CFAP299: variants seen among roughly 807,000 people sequenced by gnomAD.
CFAP299 encodes cilia- and flagella-associated protein 299.
A neutral mutation model predicts 27.0 loss-of-function variants in CFAP299; 21 were observed. The observed-to-expected ratio is 0.78, with a 90% confidence interval of 0.55 to 1.12. The LOEUF is 1.12. CFAP299 is among the 50% of genes most tolerant of loss of function. The pLI is 0.00. For missense variants in CFAP299, 310 were observed against 276.6 expected (o/e 1.12, Z -0.86); for synonymous variants, 104 against 98.1 (o/e 1.06, Z -0.36).
chr4:80,515,311 T>C (rs1357508665), intron 2 of CFAP299, among the ~76,000 whole-genome samples: 1 of 152,162 alleles, frequency 6.6e-6, no homozygotes, highest in Non-Finnish European at 1.5e-5. Flanking sequence ...GTTGTTGAAA[T>C]AAATGTTCCA....
chr4:80,560,191 A>T (rs1734972872), intron 2 of CFAP299, among the ~76,000 whole-genome samples: 1 of 151,970 alleles, frequency 6.6e-6, no homozygotes, highest in East Asian at 1.9e-4. Flanking sequence ...TTCAGGTCCT[A>T]ACTTCTAGAC....
At chr4:80,815,843 C>A (rs879339071) in intron 3 of CFAP299, among the ~76,000 whole-genome samples, 1 of 151,794 alleles carries the variant, frequency 6.6e-6, no homozygotes, top group Non-Finnish European at 1.5e-5. Context: ...GAAATAGATA[C>A]CCCACATTTT....
At chr4:80,862,405 G>A (rs1276844050) in intron 3 of CFAP299, among the ~76,000 whole-genome samples, 1 of 151,682 alleles carries the variant, frequency 6.6e-6, no homozygotes, top group African/African-American at 2.4e-5. Context: ...AATAAATAAA[G>A]CCATTTAAAA....
intron 4 of CFAP299, among the ~76,000 whole-genome samples, chr4:80,884,551 A>G (rs1367141290): frequency 2.6e-5 from 4 of 152,022 alleles, no homozygotes; most frequent in Non-Finnish European, 5.9e-5. Flanking sequence ...TACATTCAGA[A>G]AAAACAAAAT....
chr4:80,409,746 G>A (rs1184728055), intron 2 of CFAP299, among the ~76,000 whole-genome samples: 1 of 152,170 alleles, frequency 6.6e-6, no homozygotes, highest in Non-Finnish European at 1.5e-5. Flanking sequence ...AATCTGATAT[G>A]AGCCTTGGAC....
At chr4:80,670,021 G>T (rs1347027706) in intron 3 of CFAP299, among the ~76,000 whole-genome samples, 1 of 151,452 alleles carries the variant, frequency 6.6e-6, no homozygotes, top group African/African-American at 2.4e-5. Flanking sequence ...TAAGTTCTAG[G>T]GTACTTGTGC....
chr4:80,561,659 G>C (rs1282438915), intron 2 of CFAP299, among the ~76,000 whole-genome samples: 1 of 151,926 alleles, frequency 6.6e-6, no homozygotes, highest in Non-Finnish European at 1.5e-5. Context: ...AAATGTGACT[G>C]TCATACTGAA....
At chr4:80,586,262 A>G (rs929550329) in intron 3 of CFAP299, among the ~76,000 whole-genome samples, 5 of 152,024 alleles carry the variant, frequency 3.3e-5, no homozygotes, top group African/African-American at 9.7e-5. Flanking sequence ...TATATAATAA[A>G]TTTTATAATA....
At chr4:80,389,321 C>G (rs1725205033) in intron 2 of CFAP299, among the ~76,000 whole-genome samples, 1 of 152,128 alleles carries the variant, frequency 6.6e-6, no homozygotes, top group Admixed American at 6.5e-5. Context: ...CCCTACACTC[C>G]AACTTACTCC....
At chr4:80,813,061 C>T (rs1288705169) in intron 3 of CFAP299, among the ~76,000 whole-genome samples, 2 of 151,956 alleles carry the variant, frequency 1.3e-5, no homozygotes, top group African/African-American at 4.8e-5. Flanking sequence ...AATATTTTAG[C>T]TGAACACTTT....
intron 4 of CFAP299, among the ~76,000 whole-genome samples, chr4:80,896,711 C>T (rs1244838486): frequency 6.6e-6 from 1 of 152,160 alleles, no homozygotes; most frequent in Non-Finnish European, 1.5e-5. Flanking sequence ...GTTTATAACA[C>T]ATTTACACAA....
At chr4:80,376,394 A>G (rs1388400608) in intron 2 of CFAP299, among the ~76,000 whole-genome samples, 3 of 152,222 alleles carry the variant, frequency 2.0e-5, no homozygotes, top group Non-Finnish European at 4.4e-5. Flanking sequence ...AGATCTTTTT[A>G]AGGAAATATG....
At chr4:80,867,095 T>C (rs1732789204) in intron 3 of CFAP299, among the ~76,000 whole-genome samples, 1 of 152,206 alleles carries the variant, frequency 6.6e-6, no homozygotes, top group African/African-American at 2.4e-5. Flanking sequence ...ATTGTCTATA[T>C]GTTCTTCTAG....
At chr4:80,743,767 G>A (rs762973612) in intron 3 of CFAP299, among the ~76,000 whole-genome samples, 2 of 152,060 alleles carry the variant, frequency 1.3e-5, no homozygotes, top group African/African-American at 2.4e-5. Flanking sequence ...AAACCACCAT[G>A]GCACATGTAT....
At chr4:80,757,286 A>G (rs1319206392) in intron 3 of CFAP299, among the ~76,000 whole-genome samples, 2 of 152,284 alleles carry the variant, frequency 1.3e-5, no homozygotes, top group South Asian at 2.1e-4. Flanking sequence ...ATAACTACTG[A>G]AAGTTCAATT....
chr4:80,674,837 A>C (rs565457559), intron 3 of CFAP299, among the ~76,000 whole-genome samples: 2 of 152,292 alleles, frequency 1.3e-5, no homozygotes, highest in South Asian at 4.1e-4. Context: ...TTATGCATGC[A>C]TCACGTAGTT....
At chr4:80,809,001 T>C (rs1187935160) in intron 3 of CFAP299, among the ~76,000 whole-genome samples, 1 of 151,992 alleles carries the variant, frequency 6.6e-6, no homozygotes, top group African/African-American at 2.4e-5. Context: ...GAGAAACCAA[T>C]CCAAAGCAAA....
At chr4:80,901,223 C>T (rs1487815266) in intron 4 of CFAP299, among the ~76,000 whole-genome samples, 1 of 152,134 alleles carries the variant, frequency 6.6e-6, no homozygotes, top group Non-Finnish European at 1.5e-5. Flanking sequence ...ATTTTAGTTA[C>T]AGAATCTATT....
intron 2 of CFAP299, among the ~76,000 whole-genome samples, chr4:80,372,620 C>T (rs1021056007): frequency 6.6e-6 from 1 of 152,092 alleles, no homozygotes; most frequent in African/African-American, 2.4e-5. Context: ...AAGTGGCAGG[C>T]CCCCAGAGCT....
Sources: allele counts gnomAD v4.1 joint callset (sites outside exome capture counted in the v4.1 genomes callset), GRCh38; gene constraint gnomAD v4.1.1; transcripts MANE v1.5; gene names NCBI Gene and HGNC (gene_info 2026-07-23, HGNC 2026-07-21).